Variants in CBLIF observed in about 807,000 individuals in gnomAD.
CBLIF encodes gastric intrinsic factor (vitamin B synthesis).
CBLIF carries 24 observed loss-of-function variants against 44.9 expected under a neutral mutation model. The observed-to-expected ratio is 0.53, with a 90% CI of 0.39 to 0.75. The LOEUF is 0.75. Ranked by LOEUF, CBLIF falls within the 30% of genes least tolerant of loss-of-function variation. The pLI is 0.00. For missense variants in CBLIF, 481 were observed against 513.0 expected, an observed-to-expected ratio of 0.94 and a Z score of 0.60; for synonymous variants, 183 against 190.9, an observed-to-expected ratio of 0.96 and a Z score of 0.34.
chr11:59,834,298 T>TCC (rs1169344570), intron 7 of CBLIF, among the ~76,000 whole-genome samples: 69 of 136,400 alleles, frequency 5.1e-4, no homozygotes, highest in African/African-American at 1.5e-3. Flanking sequence ...CTTTCTTTCT[T>TCC]TCTTTCTTTC....
rs1866559323 is a variant in CBLIF at position 59,843,119 on chromosome 11, G to A, written c.279C>T (p.Gly93=). 1 of 1,611,900 alleles carries A rather than the reference G, an allele frequency of 6.2e-7. No individual in the cohort carries two copies. Among genetic ancestry groups the A allele is most frequent in the Non-Finnish European group, 8.5e-7 (1 of 1,178,108 alleles). The change falls in exon 3 of 9, where the codon GGC becomes GGT. Residue 93 remains glycine, a synonymous_variant. Coordinates refer to ENST00000257248, the MANE Select transcript of CBLIF (RefSeq NM_005142.3). ...DNNDLTIGQL[G]LTIMALTSSC... is the part of the protein sequence containing the mutation. ...AGGAGGTGAGGGCCATGATGGTGAG[G>A]CCGAGCTGCCCAATGGTTAGATCTG...
chr11:59,832,801 A>G (rs1823792186), intron 7 of CBLIF, among the ~76,000 whole-genome samples: 2 of 152,242 alleles, frequency 1.3e-5, no homozygotes, highest in African/African-American at 4.8e-5. Context: ...CAAATTTAAA[A>G]AATGTAAATT....
At chr11:59,832,469 TTAAAA>T (rs1866386517) in intron 7 of CBLIF, among the ~76,000 whole-genome samples, 1 of 151,952 alleles carries the variant, frequency 6.6e-6, no homozygotes, top group African/African-American at 2.4e-5. Context: ...TACCCCAAAC[TTAAAA>T]TAAAAGTTAA....
intron 2 of CBLIF, 116 bp downstream of exon 2, chr11:59,843,763 G>A: frequency 2.5e-6 from 2 of 792,820 alleles, no homozygotes; most frequent in Non-Finnish European, 2.2e-6. Flanking sequence ...AGGTGTTTGG[G>A]TAGTTTATTT....
intron 6 of CBLIF, among the ~76,000 whole-genome samples, 187 bp downstream of exon 6, chr11:59,836,987 C>T (rs1024425853): frequency 6.6e-6 from 1 of 152,168 alleles, no homozygotes; most frequent in African/African-American, 2.4e-5. Flanking sequence ...AGATATGGGG[C>T]TGAGTTCTGA....
At chr11:59,834,236 TTCTTTTTCTTTCTTTC>T (rs1565207310) in intron 7 of CBLIF, among the ~76,000 whole-genome samples, 10 of 149,024 alleles carry the variant, frequency 6.7e-5, no homozygotes, top group African/African-American at 2.3e-4. Context: ...CTTTCTTTCT[TTCTTTTTCTTTCTTTC>T]TTTCTTTCTT....
intron 6 of CBLIF, among the ~76,000 whole-genome samples, 179 bp from the exon 7 acceptor site, chr11:59,836,188 C>T (rs1253894084): frequency 1.3e-5 from 2 of 152,162 alleles, no homozygotes; most frequent in Non-Finnish European, 2.9e-5. Flanking sequence ...CCATGGCCAC[C>T]TTGTTAAGGT....
intron 8 of CBLIF, among the ~76,000 whole-genome samples, chr11:59,830,356 C>T (rs1866357876): frequency 6.6e-6 from 1 of 151,550 alleles, no homozygotes; most frequent in African/African-American, 2.4e-5. Flanking sequence ...CCTGCCTCAG[C>T]CTCCCGAGTA....
chr11:59,840,948 A>G (rs1217329746), intron 5 of CBLIF, 195 bp downstream of exon 5: 3 of 606,098 alleles, frequency 4.9e-6, no homozygotes, highest in Non-Finnish European at 8.9e-6. Context: ...CACACTTTAC[A>G]TAGGAGGTAG....
chr11:59,839,509 G>C (rs1365893462), intron 5 of CBLIF, among the ~76,000 whole-genome samples: 2 of 152,180 alleles, frequency 1.3e-5, no homozygotes, highest in Non-Finnish European at 2.9e-5. Flanking sequence ...GATGGTGGCA[G>C]GTGTGGGAGT....
intron 7 of CBLIF, among the ~76,000 whole-genome samples, chr11:59,834,639 C>T (rs1368566479): frequency 6.6e-6 from 1 of 152,008 alleles, no homozygotes; most frequent in Non-Finnish European, 1.5e-5. Flanking sequence ...CTGATCCACC[C>T]GCCTCAGCTT....
intron 3 of CBLIF, 158 bp from the exon 4 acceptor site, chr11:59,842,741 A>G: frequency 1.4e-6 from 1 of 715,958 alleles, no homozygotes; most frequent in East Asian, 2.7e-5. Context: ...GTGTTTTTCA[A>G]AAGAATGTCA....
chr11:59,835,665 A>G (rs1866445213), intron 7 of CBLIF, 143 bp downstream of exon 7: 11 of 729,562 alleles, frequency 1.5e-5, no homozygotes, highest in Admixed American at 2.0e-5. Context: ...AGCCTTACCT[A>G]TTTATTAGAT....
intron 1 of CBLIF, among the ~76,000 whole-genome samples, chr11:59,844,407 G>C (rs190807267): frequency 3.4e-4 from 51 of 152,238 alleles, no homozygotes; most frequent in Admixed American, 5.2e-4. Flanking sequence ...CAAAGTGCTG[G>C]GATTACAGGC....
At chr11:59,840,712 G>A (rs1866513774) in intron 5 of CBLIF, among the ~76,000 whole-genome samples, 1 of 151,950 alleles carries the variant, frequency 6.6e-6, no homozygotes, top group Non-Finnish European at 1.5e-5. Context: ...TTAGATCAAG[G>A]TAAAACACTG....
intron 6 of CBLIF, 76 bp from the exon 7 acceptor site, chr11:59,836,085 CA>C (rs941603597): frequency 8.4e-6 from 9 of 1,067,584 alleles, no homozygotes; most frequent in African/African-American, 4.7e-5. Context: ...CTGTTATTGG[CA>C]ACTTACCCCA....
rs1866575360 is a variant in CBLIF at position 59,844,061 on chromosome 11, A to G, written c.80-6T>C. On this transcript the variant is annotated splice_region_variant and splice_polypyrimidine_tract_variant and intron_variant, in intron 1 of 8. Coordinates refer to ENST00000257248, the MANE Select transcript of CBLIF (RefSeq NM_005142.3). Reference sequence around the variant, plus strand: ...CTCCTGTGCTGAGGGAACGGCTGAGAAGAGGAAAGCCATTTACTCACCTTC... The same window carrying G: ...CTCCTGTGCTGAGGGAACGGCTGAGGAGAGGAAAGCCATTTACTCACCTTC... 6.2e-7 allele frequency: 1 copy of G among 1,610,608 alleles called. No homozygotes were observed. The highest frequency in any genetic ancestry group is 1.7e-5 in the Admixed American group (1 of 59,990).
intron 7 of CBLIF, 108 bp downstream of exon 7, chr11:59,835,700 A>G (rs1866446012): frequency 2.3e-6 from 2 of 872,620 alleles, no homozygotes; most frequent in Non-Finnish European, 3.9e-6. Context: ...GCGCTATTAA[A>G]TAAAAATCTG....
intron 3 of CBLIF, 113 bp downstream of exon 3, chr11:59,842,915 G>T (rs1417903830): frequency 2.7e-6 from 2 of 736,150 alleles, no homozygotes; most frequent in Non-Finnish European, 5.0e-6. Flanking sequence ...AGGATACATT[G>T]TCTCTTCCCT....
Sources: allele counts gnomAD v4.1 joint callset (sites outside exome capture counted in the v4.1 genomes callset), GRCh38; gene constraint gnomAD v4.1.1; transcripts MANE v1.5; gene names NCBI Gene and HGNC (gene_info 2026-07-23, HGNC 2026-07-21).